CDK8: variants seen among roughly 807,000 people sequenced by gnomAD.
CDK8 encodes the protein cyclin dependent kinase 8.
A neutral mutation model predicts 71.5 loss-of-function variants in CDK8; 29 were observed. The ratio of observed to expected loss-of-function variants is 0.41; its 90% CI spans 0.30 to 0.55. The LOEUF (loss-of-function observed/expected upper bound fraction) is 0.55. Ranked by LOEUF, CDK8 falls within the 20% of genes least tolerant of loss-of-function variation. The probability of loss-of-function intolerance (pLI) is 0.37; values close to 1 mark genes in which losing one functional copy is unlikely to be tolerated. For missense variants in CDK8, 288 were observed against 572.6 expected, an observed-to-expected ratio of 0.50 and a Z score of 5.07; for synonymous variants, 161 against 192.1, an observed-to-expected ratio of 0.84 and a Z score of 1.34.
chr13:26,271,806 C>CTTTTTTTTTTTTTTTTTTTTT (rs58160694), intron 1 of CDK8, among the ~76,000 whole-genome samples: 1 of 62,684 alleles, frequency 1.6e-5, no homozygotes, highest in African/African-American at 8.7e-5. Flanking sequence ...GAGACCCTGT[C>CTTTTTTTTTTTTTTTTTTTTT]TTTTTTTTTT....
chr13:26,400,643 A>T lies in CDK8; in HGVS notation c.1031+93A>T, dbSNP rs752848835. ...CAGCTCTTAAGTTGCTCCTCCTCTTATATGGGAACCCAAGGAAATCCTTTA... is the reference window on the plus strand; with the variant it reads ...CAGCTCTTAAGTTGCTCCTCCTCTTTTATGGGAACCCAAGGAAATCCTTTA... On this transcript the variant is annotated intron_variant, in intron 10 of 12. Coordinates refer to ENST00000381527, the MANE Select transcript of CDK8 (RefSeq NM_001260.3). The T allele has an allele frequency of 7.7e-6, 6 of 780,094 alleles. No individual in the cohort carries two copies. The East Asian group carries it at 1.2e-4, about 16-fold the overall frequency. 48.3% of individuals were successfully genotyped at this position (780,094 alleles called of 1,614,324 possible).
At chr13:26,312,394 T>C (rs987934894) in intron 1 of CDK8, among the ~76,000 whole-genome samples, 24 of 152,198 alleles carry the variant, frequency 1.6e-4, no homozygotes, top group African/African-American at 5.8e-4. Context: ...CTGTACTACC[T>C]TTATGAGCTG....
rs186404751 is a variant in CDK8, at chr13:26,404,830, T to A, written c.*749T>A. 1.4e-5 allele frequency: 3 copies of A among 216,532 alleles called. No homozygotes were observed. In the East Asian group the frequency reaches 2.1e-4, roughly 15 times the overall value. The allele number at this position is 216,532 out of a possible 1,614,324, so 13.4% of individuals were successfully genotyped here. A position where few individuals can be genotyped will look rare whatever the true frequency, so the allele number is the denominator to read the frequency against. ...AACCTGTTTGGTTCAGCAAACAAAC[T>A]AAAATGATTGTCATAGACAGTGTTT... On this transcript the variant is annotated 3_prime_UTR_variant, in exon 13 of 13. Coordinates refer to ENST00000381527, the MANE Select transcript of CDK8 (RefSeq NM_001260.3).
Position 26,349,113 on chromosome 13 carries a change from A to C in CDK8, c.246A>C (p.Gln82His). The C allele has an allele frequency of 6.2e-7, 1 of 1,613,532 alleles. No individual in the cohort carries two copies. ...ELKHPNVISLQKVFLSHADRK... is the reference protein window; with the variant it reads ...ELKHPNVISLHKVFLSHADRK... The stretch of plus-strand genomic sequence containing the variant: ...AGCATCCAAACGTCATTTCTCTTCA[A>C]AAGGTGTTTCTGTCTCATGCTGATA... The change falls in exon 3 of 13, where the codon CAA becomes CAC. Residue 82 changes from glutamine to histidine, a missense_variant. Around this residue, in one of 6 missense-constraint regions of CDK8, gnomAD observed 95 missense variants for 177.3 expected, o/e 0.54. Coordinates refer to ENST00000381527, the MANE Select transcript of CDK8 (RefSeq NM_001260.3).
chr13:26,254,872 A>C lies in CDK8; in HGVS notation c.128+103A>C, dbSNP rs1331718487. 1.0e-5 allele frequency: 15 copies of C among 1,475,468 alleles called. No homozygotes were observed. Among genetic ancestry groups the C allele is most frequent in the Non-Finnish European group, 1.3e-5 (14 of 1,092,182 alleles). The allele number at this position is 1,475,468 out of a possible 1,614,324, so 91.4% of individuals were successfully genotyped here. A position where few individuals can be genotyped will look rare whatever the true frequency, so the allele number is the denominator to read the frequency against. Reference sequence around the variant, plus strand: ...CGGGCCGCCGGGGTGCCGGGCTCTGACTTCCTCGACGCCGGCCTCTGGCTC... The same window carrying C: ...CGGGCCGCCGGGGTGCCGGGCTCTGCCTTCCTCGACGCCGGCCTCTGGCTC... On this transcript the variant is annotated intron_variant, in intron 1 of 12. Transcript: ENST00000381527. The surrounding 1 kb of genome is among the most constrained non-coding windows in gnomAD (Gnocchi z 6.7).
intron 1 of CDK8, among the ~76,000 whole-genome samples, chr13:26,294,048 A>C (rs2137906109): frequency 6.6e-6 from 1 of 152,308 alleles, no homozygotes; most frequent in South Asian, 2.1e-4. Context: ...ATTTCACATA[A>C]CAACATAATG....
intron 4 of CDK8, among the ~76,000 whole-genome samples, chr13:26,380,898 C>CT (rs1029897716): frequency 2.6e-5 from 4 of 152,046 alleles, no homozygotes; most frequent in African/African-American, 9.7e-5. Flanking sequence ...TTCACAGGAA[C>CT]TTTTTTTTAA....
chr13:26,384,065 A>C (rs1420926777), intron 5 of CDK8, among the ~76,000 whole-genome samples: 1 of 152,224 alleles, frequency 6.6e-6, no homozygotes, highest in African/African-American at 2.4e-5. Context: ...AATTTAGGGA[A>C]AATTTATGTA....
intron 1 of CDK8, among the ~76,000 whole-genome samples, chr13:26,277,067 C>T (rs1376296687): frequency 6.6e-6 from 1 of 152,160 alleles, no homozygotes; most frequent in Non-Finnish European, 1.5e-5. Context: ...AATTCTATTT[C>T]AGAAGAACAC....
chr13:26,374,649 A>G (rs1874860346), intron 4 of CDK8, among the ~76,000 whole-genome samples: 1 of 152,198 alleles, frequency 6.6e-6, no homozygotes, highest in Non-Finnish European at 1.5e-5. Flanking sequence ...TATTAGCTTA[A>G]TAAAAGTCTT....
intron 1 of CDK8, among the ~76,000 whole-genome samples, chr13:26,264,801 T>G (rs1871950591): frequency 6.6e-6 from 1 of 152,194 alleles, no homozygotes; most frequent in Non-Finnish European, 1.5e-5. Context: ...TTTTTGTAGC[T>G]CCCATGTATG....
chr13:26,394,207 T>C (rs909449347), intron 7 of CDK8, among the ~76,000 whole-genome samples: 1 of 152,242 alleles, frequency 6.6e-6, no homozygotes, highest in Non-Finnish European at 1.5e-5. Context: ...AAATTTTGGC[T>C]AGTCAAGTAC....
intron 1 of CDK8, among the ~76,000 whole-genome samples, chr13:26,259,839 T>C (rs758247773): frequency 6.6e-6 from 1 of 152,208 alleles, no homozygotes; most frequent in Non-Finnish European, 1.5e-5. Flanking sequence ...GTCCAAGGTA[T>C]TGGGAATGCA....
intron 1 of CDK8, among the ~76,000 whole-genome samples, chr13:26,300,130 C>T (rs953941629): frequency 3.9e-5 from 6 of 152,056 alleles, no homozygotes; most frequent in Admixed American, 6.6e-5. Context: ...GTAATCTGCC[C>T]AGAGTAAGAG....
chr13:26,254,601 C>T lies in CDK8; in HGVS notation c.-41C>T. On this transcript the variant is annotated 5_prime_UTR_variant, in exon 1 of 13. Transcript: ENST00000381527. The surrounding 1 kb of genome is among the most constrained non-coding windows in gnomAD (Gnocchi z 6.7). ...TTCCCCGGTCCCCACCCCTGCCCCC[C>T]GGCCCCCCGACCCAGCTCTCCGGCC... 6.7e-7 allele frequency: 1 copy of T among 1,502,044 alleles called. No homozygotes were observed. The highest frequency in any genetic ancestry group is 9.0e-7 in the Non-Finnish European group (1 of 1,108,800). The allele number at this position is 1,502,044 out of a possible 1,614,324, so 93.0% of individuals were successfully genotyped here. A position where few individuals can be genotyped will look rare whatever the true frequency, so the allele number is the denominator to read the frequency against.
At chr13:26,337,004 G>A (rs1873021448) in intron 1 of CDK8, among the ~76,000 whole-genome samples, 1 of 149,760 alleles carries the variant, frequency 6.7e-6, no homozygotes, top group Non-Finnish European at 1.5e-5. Context: ...CTAAAAGAAG[G>A]AACTTGTTGT....
chr13:26,404,422 T>C lies in CDK8; in HGVS notation c.*341T>C, dbSNP rs1036924407. ...ATGTGCTAGGGGCAAGCATTTGTCT[T>C]TGTATGTGGTGAATTTTTTCAGTGT... is the stretch of plus-strand genomic sequence containing the variant. On this transcript the variant is annotated 3_prime_UTR_variant, in exon 13 of 13. Coordinates refer to ENST00000381527, the MANE Select transcript of CDK8 (RefSeq NM_001260.3). The C allele has an allele frequency of 1.1e-5, 3 of 274,046 alleles. No individual in the cohort carries two copies. Among genetic ancestry groups the C allele is most frequent in the African/African-American group, 6.3e-5 (3 of 47,272 alleles). 17.0% of individuals were successfully genotyped at this position (274,046 alleles called of 1,614,324 possible).
intron 1 of CDK8, among the ~76,000 whole-genome samples, chr13:26,274,754 T>C (rs1422781111): frequency 1.3e-5 from 2 of 152,144 alleles, no homozygotes; most frequent in Admixed American, 1.3e-4. Flanking sequence ...ATATTTCTTT[T>C]TGTTAAGTGC....
chr13:26,362,254 GGATGGATGGATGGATA>G (rs1056340189), intron 4 of CDK8, among the ~76,000 whole-genome samples: 6 of 151,592 alleles, frequency 4.0e-5, no homozygotes, highest in Non-Finnish European at 5.9e-5. Context: ...ATGGATGGAT[GGATGGATGGATGGATA>G]GATAGATGAA....
Sources: gnomAD v4.1 joint callset for allele counts (sites outside exome capture counted in the v4.1 genomes callset) on GRCh38, gnomAD v4.1.1 for gene constraint, gnomAD v4.1.1 regional missense constraint, Gnocchi (gnomAD v3.1) non-coding constraint, MANE v1.5 for transcripts, NCBI Gene and HGNC (gene_info 2026-07-23, HGNC 2026-07-21) for gene names.